SLC15A5: variants seen among roughly 807,000 people sequenced by gnomAD.
SLC15A5 encodes Peptide/histidine transporter ENSP00000340402.
SLC15A5 carries 58 observed loss-of-function variants against 56.1 expected under a neutral mutation model. The ratio of observed to expected loss-of-function variants is 1.03; its 90% CI spans 0.84 to 1.29. The LOEUF (loss-of-function observed/expected upper bound fraction) is 1.29. Among genes scored for constraint, SLC15A5 ranks in the 50% most tolerant of loss-of-function variants. The pLI, the probability that SLC15A5 is intolerant of heterozygous loss-of-function variation, is 0.00. For synonymous variants in SLC15A5, 264 were observed against 250.5 expected (o/e 1.05, Z -0.51); for missense variants, 681 against 672.1 (o/e 1.01, Z -0.15).
intron 3 of SLC15A5, among the ~76,000 whole-genome samples, chr12:16,255,789 T>TAA (rs5796659): frequency 4.6e-5 from 7 of 150,972 alleles, no homozygotes; most frequent in South Asian, 2.1e-4. Context: ...CTATACTAAG[T>TAA]AAAAAAAAAG....
chr12:16,209,125 T>C (rs1864052961), intron 7 of SLC15A5, among the ~76,000 whole-genome samples: 1 of 152,074 alleles, frequency 6.6e-6, no homozygotes, highest in South Asian at 2.1e-4. Context: ...ATCATAGTGT[T>C]GCTAAATTTT....
chr12:16,212,247 G>T (rs1026399878), intron 7 of SLC15A5, among the ~76,000 whole-genome samples: 7 of 152,044 alleles, frequency 4.6e-5, no homozygotes, highest in African/African-American at 1.4e-4. Flanking sequence ...CTCTGGCATA[G>T]AAAATTTTCA....
Position 16,216,488 on chromosome 12 carries a change from A to G in SLC15A5, c.1483+405T>C, listed in dbSNP as rs538712013. Among the ~76,000 whole-genome samples the G allele has an allele frequency of 2.0e-5, 3 of 152,296 alleles. No individual in the cohort carries two copies. In the East Asian group the frequency reaches 5.8e-4, roughly 29 times the overall value. ...TCACAATTTCTCTTGGATTGCATAG[A>G]CAAGAATTGTGGCAAATCATGAGAA... On this transcript the variant is annotated intron_variant, in intron 7 of 8. Transcript: ENST00000344941.
rs541744287 is a variant in SLC15A5 at position 16,224,008 on chromosome 12, A to C, written c.1351+406T>G. Among the ~76,000 whole-genome samples the C allele has an allele frequency of 3.3e-5, 5 of 152,138 alleles. No individual in the cohort carries two copies. In the East Asian group the frequency reaches 9.7e-4, roughly 30 times the overall value. ...TGGGATTACAGGCGTGAGCCACCGC[A>C]CCCGGCCTGTGAGTTTATCTATGAG... On this transcript the variant is annotated intron_variant, in intron 6 of 8. Coordinates refer to ENST00000344941, the MANE Select transcript of SLC15A5 (RefSeq NM_001170798.1).
intron 6 of SLC15A5, among the ~76,000 whole-genome samples, chr12:16,222,466 AAAG>A (rs75756304): frequency 0.2 from 30,634 of 152,120 alleles, 3,476 homozygotes; most frequent in Non-Finnish European, 0.25. Flanking sequence ...GCTGTGATAT[AAAG>A]AAGAATACAA....
At chr12:16,263,608 A>C (rs1326309154) in intron 2 of SLC15A5, among the ~76,000 whole-genome samples, 1 of 152,214 alleles carries the variant, frequency 6.6e-6, no homozygotes, top group East Asian at 1.9e-4. Flanking sequence ...GGCATGTCAG[A>C]GGTCTTCATG....
intron 3 of SLC15A5, among the ~76,000 whole-genome samples, chr12:16,253,394 G>T (rs547712700): frequency 6.6e-6 from 1 of 152,016 alleles, no homozygotes; most frequent in African/African-American, 2.4e-5. Flanking sequence ...CTGATATGGG[G>T]CTAATATCCA....
At chr12:16,257,382 T>C in intron 3 of SLC15A5, among the ~76,000 whole-genome samples, 1 of 152,208 alleles carries the variant, frequency 6.6e-6, no homozygotes, top group East Asian at 1.9e-4. Flanking sequence ...ATAGTCTTTA[T>C]CTACTTTTGT....
intron 5 of SLC15A5, among the ~76,000 whole-genome samples, chr12:16,231,676 C>G (rs2136253204): frequency 6.6e-6 from 1 of 152,312 alleles, no homozygotes; most frequent in East Asian, 1.9e-4. Context: ...CCATCTCCTC[C>G]TCTGGTAAGA....
At chr12:16,248,936 A>G (rs1318908457) in intron 3 of SLC15A5, among the ~76,000 whole-genome samples, 2 of 152,124 alleles carry the variant, frequency 1.3e-5, no homozygotes, top group African/African-American at 4.8e-5. Context: ...GAGCTATTTT[A>G]AGTGTTTTAT....
rs2136823985 is a variant in SLC15A5 at position 16,271,404 on chromosome 12, A to G, written c.584+1157T>C. 1.3e-5 allele frequency among the ~76,000 whole-genome samples: 2 copies of G among 152,306 alleles called. 1 individual carries two copies. The highest frequency in any genetic ancestry group is 4.1e-4 in the South Asian group (2 of 4,824). On this transcript the variant is annotated intron_variant, in intron 2 of 8. Transcript: ENST00000344941. This position sits in a 1 kb window ranked among gnomAD's most constrained non-coding sequence, Gnocchi z 8.0. Reference sequence around the variant, plus strand: ...AAAACCTCCGAATAGAATAAAAAAGAAGGATTTTTCTTTCTCCTTTGGGCA... The same window carrying G: ...AAAACCTCCGAATAGAATAAAAAAGGAGGATTTTTCTTTCTCCTTTGGGCA...
intron 3 of SLC15A5, among the ~76,000 whole-genome samples, chr12:16,255,958 T>G (rs1864567603): frequency 2.6e-5 from 4 of 152,130 alleles, no homozygotes; most frequent in Admixed American, 2.6e-4. Flanking sequence ...AGCAAGAGGC[T>G]TATCTGAACG....
At chr12:16,216,259 C>T (rs1458961339) in intron 7 of SLC15A5, among the ~76,000 whole-genome samples, 1 of 152,154 alleles carries the variant, frequency 6.6e-6, no homozygotes, top group Non-Finnish European at 1.5e-5. Flanking sequence ...ACTGTGATGA[C>T]TTATCATTAT....
chr12:16,254,907 A>G (rs1864554076), intron 3 of SLC15A5, among the ~76,000 whole-genome samples: 1 of 152,170 alleles, frequency 6.6e-6, no homozygotes, highest in Admixed American at 6.5e-5. Context: ...TAGGAGGAAT[A>G]CGTATTAGTG....
Position 16,268,353 on chromosome 12 carries a change from CTTG to C in SLC15A5, c.584+4205_584+4207del, listed in dbSNP as rs1042719196. Among the ~76,000 whole-genome samples the C allele has an allele frequency of 2.6e-5, 4 of 151,654 alleles. 1 individual carries two copies. Among genetic ancestry groups the C allele is most frequent in the African/African-American group, 4.9e-5 (2 of 41,234 alleles). On this transcript the variant is annotated intron_variant, in intron 2 of 8. Transcript: ENST00000344941. ...GATCGCAAAGGTAAAGAAGGAAGTG[CTTG>C]TTGTTATTAGGGTGAGAGGGTAGCA...
intron 3 of SLC15A5, among the ~76,000 whole-genome samples, chr12:16,253,636 T>G (rs1018525749): frequency 6.6e-6 from 1 of 151,944 alleles, no homozygotes; most frequent in African/African-American, 2.4e-5. Context: ...TTTGGGAGGA[T>G]GAGGTGGGAA....
At position 16,211,122 on chromosome 12, in the gene SLC15A5, A is replaced by G. The variant is rs114258851; in HGVS notation, c.1483+5771T>C. Reference sequence around the variant, plus strand: ...CCCCTCTGAATCTGAAAATCTCTAAACCCAAATCCCATATGAAGTTGGACC... The same window carrying G: ...CCCCTCTGAATCTGAAAATCTCTAAGCCCAAATCCCATATGAAGTTGGACC... On this transcript the variant is annotated intron_variant, in intron 7 of 8. Transcript: ENST00000344941. Among the ~76,000 whole-genome samples the G allele has an allele frequency of 4.6e-3, 697 of 152,210 alleles. 5 individuals carry two copies. The highest frequency in any genetic ancestry group is 0.016 in the African/African-American group (651 of 41,512).
At chr12:16,266,808 A>C (rs1200942385) in intron 2 of SLC15A5, among the ~76,000 whole-genome samples, 2 of 152,220 alleles carry the variant, frequency 1.3e-5, no homozygotes, top group East Asian at 3.9e-4. Context: ...CCAGTGATTA[A>C]GGAAAATTGA....
chr12:16,197,297 G>T (rs1461246437), intron 7 of SLC15A5, among the ~76,000 whole-genome samples: 4 of 151,942 alleles, frequency 2.6e-5, no homozygotes, highest in Non-Finnish European at 5.9e-5. Context: ...GAGAAGCATC[G>T]CCTGAATTGA....
Sources: allele counts gnomAD v4.1 joint callset (sites outside exome capture counted in the v4.1 genomes callset), GRCh38; gene constraint gnomAD v4.1.1; non-coding constraint Gnocchi (gnomAD v3.1); transcripts MANE v1.5; gene names NCBI Gene and HGNC (gene_info 2026-07-23, HGNC 2026-07-21).